The following BAZ2B variants were observed in gnomAD, a reference collection of about 807,000 sequenced individuals.
BAZ2B encodes bromodomain adjacent to zinc finger domain 2B.
A neutral mutation model predicts 246.0 loss-of-function variants in BAZ2B; 91 were observed. The ratio of observed to expected loss-of-function variants is 0.37; its 90% confidence interval spans 0.31 to 0.44. The LOEUF (loss-of-function observed/expected upper bound fraction) is 0.44, where lower values mean the gene tolerates loss of function less well. BAZ2B is among the 20% of genes least tolerant of loss of function. The pLI is 1.00. For missense variants in BAZ2B, 2,332 were observed against 2,533.7 expected, an observed-to-expected ratio of 0.92 and a Z score of 1.71; for synonymous variants, 855 against 860.0, an observed-to-expected ratio of 0.99 and a Z score of 0.10.
At chr2:159,523,815 C>T (rs2084415101) in intron 2 of BAZ2B, among the ~76,000 whole-genome samples, 1 of 152,044 alleles carries the variant, frequency 6.6e-6, no homozygotes, top group African/African-American at 2.4e-5. Flanking sequence ...ATTTATACAC[C>T]AATTTCAATA....
the BAZ2B span, chr2:159,693,937 A>C: frequency 6.6e-6 from 1 of 152,258 alleles, no homozygotes; most frequent in East Asian, 1.9e-4. Flanking sequence ...TATATTTTTC[A>C]AAATTGAGGT....
chr2:159,467,733 T>A (rs773515947), intron 3 of BAZ2B, among the ~76,000 whole-genome samples: 3 of 150,626 alleles, frequency 2.0e-5, no homozygotes, highest in Non-Finnish European at 4.5e-5. Context: ...CCACAGAGAA[T>A]AATTACTAAA....
intron 2 of BAZ2B, among the ~76,000 whole-genome samples, chr2:159,506,702 G>T (rs999627626): frequency 6.6e-6 from 1 of 152,082 alleles, no homozygotes; most frequent in Non-Finnish European, 1.5e-5. Context: ...AAGAATACAG[G>T]ACCAACAAGG....
At chr2:159,499,220 C>T (rs1038257781) in intron 2 of BAZ2B, among the ~76,000 whole-genome samples, 2 of 152,120 alleles carry the variant, frequency 1.3e-5, no homozygotes, top group Non-Finnish European at 2.9e-5. Flanking sequence ...TATATCTCCT[C>T]TTTGTGTTCA....
chr2:159,432,711 C>T, intron 9 of BAZ2B, 46 bp downstream of exon 9: 2 of 1,569,736 alleles, frequency 1.3e-6, no homozygotes, highest in Non-Finnish European at 1.7e-6. Flanking sequence ...ATGTTTGGTT[C>T]ACATAGCATT....
intron 2 of BAZ2B, among the ~76,000 whole-genome samples, chr2:159,542,854 ATAAGAT>A (rs1559733492): frequency 2.0e-5 from 3 of 152,218 alleles, no homozygotes. Context: ...AATGAAATAA[ATAAGAT>A]TAATATTAAA....
the BAZ2B span, among the ~76,000 whole-genome samples, chr2:159,646,160 C>T: frequency 6.6e-6 from 1 of 152,106 alleles, no homozygotes; most frequent in African/African-American, 2.4e-5. Context: ...CCCAAGGGGG[C>T]CATTTTAGAG....
the BAZ2B span, among the ~76,000 whole-genome samples, chr2:159,700,986 A>C: frequency 6.6e-6 from 1 of 152,252 alleles, no homozygotes; most frequent in Non-Finnish European, 1.5e-5. Context: ...TACACAGATT[A>C]AATATGTGAT....
intron 2 of BAZ2B, among the ~76,000 whole-genome samples, chr2:159,491,613 T>G (rs1218132238): frequency 7.0e-6 from 1 of 142,978 alleles, no homozygotes; most frequent in Non-Finnish European, 1.5e-5. Flanking sequence ...CCCAGCTACT[T>G]GGGAGGCTGA....
intron 2 of BAZ2B, among the ~76,000 whole-genome samples, chr2:159,511,059 A>T (rs1317186675): frequency 1.3e-5 from 2 of 152,208 alleles, no homozygotes; most frequent in African/African-American, 2.4e-5. Context: ...CAGATTGTCA[A>T]ATCAGGACCC....
At position 159,537,169 on chromosome 2, in the gene BAZ2B, AC is replaced by A. The variant is rs571509413; in HGVS notation, c.-3+18653del. 3.6e-4 allele frequency among the ~76,000 whole-genome samples: 55 copies of A among 152,352 alleles called. 3 individuals are homozygous for A. In the East Asian group the frequency reaches 0.01, roughly 28 times the overall value. ...ACAATCCAGTAACAAAAAGACAAAT[AC>A]TGTATGATCTCACATATACGAGGTA... On this transcript the variant is annotated intron_variant, in intron 2 of 36. Coordinates refer to ENST00000392783, the MANE Select transcript of BAZ2B (RefSeq NM_013450.4).
rs1263991668 is a variant in BAZ2B, at chr2:159,349,071, A to G, written c.5073T>C (p.Ala1691=). The G allele has an allele frequency of 1.2e-6, 2 of 1,614,044 alleles. No individual in the cohort carries two copies. The highest frequency in any genetic ancestry group is 1.3e-5 in the African/African-American group (1 of 74,940). The change falls in exon 29 of 37, where the codon GCT becomes GCC. Residue 1691 remains alanine (A), a synonymous_variant. Transcript: ENST00000392783. ...TTGCTACTTCAACAGCTGCAGGTTGAGCTGAAGTGGCCTTTTCATTCTGTG... is the reference window on the plus strand; with the variant it reads ...TTGCTACTTCAACAGCTGCAGGTTGGGCTGAAGTGGCCTTTTCATTCTGTG... The part of the protein sequence containing the change: ...PVPQNEKATS[A]QPAAVEVAKP...
intron 2 of BAZ2B, among the ~76,000 whole-genome samples, chr2:159,517,758 C>G (rs1368995286): frequency 6.6e-6 from 1 of 152,120 alleles, no homozygotes; most frequent in African/African-American, 2.4e-5. Flanking sequence ...GGTATAGAAT[C>G]TCAGAACAGG....
the BAZ2B span, among the ~76,000 whole-genome samples, chr2:159,668,557 CTCAA>C: frequency 1.3e-5 from 2 of 152,124 alleles, no homozygotes; most frequent in African/African-American, 4.8e-5. Context: ...TCTCTTTTAT[CTCAA>C]TCATGTAGGT....
chr2:159,346,963 G>A (rs886281395), intron 31 of BAZ2B, among the ~76,000 whole-genome samples: 3 of 152,108 alleles, frequency 2.0e-5, no homozygotes, highest in African/African-American at 7.2e-5. Context: ...GTGTGCATGT[G>A]TCAGTATATC....
chr2:159,392,064 A>T (rs2063398929), intron 20 of BAZ2B: 1 of 152,138 alleles, frequency 6.6e-6, no homozygotes, highest in African/African-American at 2.4e-5. Context: ...CGCTTGTCTC[A>T]CATCTCACAA....
the BAZ2B span, among the ~76,000 whole-genome samples, chr2:159,683,462 C>A: frequency 6.6e-6 from 1 of 152,186 alleles, no homozygotes; most frequent in Admixed American, 6.5e-5. Context: ...GTCATAACCA[C>A]CACCACAACC....
Position 159,350,283 on chromosome 2 carries a change from C to T in BAZ2B, c.4288G>A (p.Glu1430Lys). The change falls in exon 28 of 37, where the codon GAG (glutamate) becomes AAG (lysine). Residue 1430 changes from glutamate (E) to lysine (K), a missense_variant. By Grantham distance (56) the Glu-to-Lys change is moderately conservative. This residue lies in a region of BAZ2B where 676 missense variants were observed against 668.6 expected (regional missense o/e 1.01). Coordinates refer to ENST00000392783, the MANE Select transcript of BAZ2B (RefSeq NM_013450.4). ...CAATTTAAACTGTCCCCAGAAGTCT[C>T]AAACATTTCTTCTTTGATCTGGACA... is the stretch of plus-strand genomic sequence containing the variant. ...ESVQIKEEMFETSGDSLNCSN... is the reference protein window; with the variant it reads ...ESVQIKEEMFKTSGDSLNCSN... 6.2e-7 allele frequency: 1 copy of T among 1,609,298 alleles called. No individual in the cohort carries two copies. Among genetic ancestry groups the T allele is most frequent in the African/African-American group, 1.3e-5 (1 of 74,848 alleles).
chr2:159,500,836 C>A (rs996734059), intron 2 of BAZ2B, among the ~76,000 whole-genome samples: 1 of 151,562 alleles, frequency 6.6e-6, no homozygotes, highest in Non-Finnish European at 1.5e-5. Context: ...TGCCTGTAAT[C>A]CCAGCTACTT....
Sources: gnomAD v4.1 joint callset for allele counts (sites outside exome capture counted in the v4.1 genomes callset) on GRCh38, gnomAD v4.1.1 for gene constraint, gnomAD v4.1.1 regional missense constraint, MANE v1.5 for transcripts, NCBI Gene and HGNC (gene_info 2026-07-23, HGNC 2026-07-21) for gene names.